Variants in EIF4E3 observed in about 807,000 individuals in gnomAD.
EIF4E3 encodes the protein eukaryotic translation initiation factor 4E type 3.
EIF4E3 carries 26 observed loss-of-function variants against 31.7 expected under a neutral mutation model. The ratio of observed to expected loss-of-function variants is 0.82; its 90% CI spans 0.60 to 1.14. The LOEUF (loss-of-function observed/expected upper bound fraction) is 1.14. Among genes scored for constraint, EIF4E3 ranks in the 50% most tolerant of loss-of-function variants. The pLI, the probability that EIF4E3 is intolerant of heterozygous loss-of-function variation, is 0.00. For missense variants in EIF4E3, 304 were observed against 270.9 expected, an observed-to-expected ratio of 1.12 and a Z score of -0.86; for synonymous variants, 128 against 107.7, an observed-to-expected ratio of 1.19 and a Z score of -1.17.
At chr3:71,747,779 T>G (rs962389844) in intron 1 of EIF4E3, among the ~76,000 whole-genome samples, 5 of 152,186 alleles carry the variant, frequency 3.3e-5, no homozygotes, top group African/African-American at 1.2e-4. Flanking sequence ...TATCATCAAT[T>G]TTGAATTTTT....
chr3:71,743,114 C>A (rs969845404), intron 1 of EIF4E3, among the ~76,000 whole-genome samples: 1 of 152,050 alleles, frequency 6.6e-6, no homozygotes, highest in Admixed American at 6.5e-5. Context: ...CCAGTCATTT[C>A]TATTTAACAT....
At position 71,684,091 on chromosome 3, in the gene EIF4E3, T is replaced by G. The variant is rs1389671909; in HGVS notation, c.*591A>C. 6.6e-6 allele frequency: 1 copy of G among 152,610 alleles called. No homozygotes were observed. The highest frequency in any genetic ancestry group is 2.4e-5 in the African/African-American group (1 of 41,458). 9.5% of individuals were successfully genotyped at this position (152,610 alleles called of 1,614,324 possible). ...ATGTTTTAAAAAGGAAAATTAAAGA[T>G]TTGTGTGCTGTCAGTGCAAAATCAC... On this transcript the variant is annotated 3_prime_UTR_variant, in exon 7 of 7. Coordinates refer to ENST00000425534, the MANE Select transcript of EIF4E3 (RefSeq NM_001134651.2).
At chr3:71,673,065 C>T (rs2048855158), downstream of EIF4E3, among the ~76,000 whole-genome samples, 2 of 152,168 alleles carry the variant, frequency 1.3e-5, no homozygotes, top group Non-Finnish European at 2.9e-5. Flanking sequence ...CCAGCTGGGT[C>T]ATGGGACAGA....
intron 1 of EIF4E3, among the ~76,000 whole-genome samples, chr3:71,731,175 G>C (rs1380857713): frequency 6.6e-6 from 1 of 152,072 alleles, no homozygotes; most frequent in East Asian, 1.9e-4. Context: ...ACAGCAGCCT[G>C]AACAACAGTC....
At chr3:71,673,407 T>C (rs2048856335), downstream of EIF4E3, among the ~76,000 whole-genome samples, 2 of 152,138 alleles carry the variant, frequency 1.3e-5, no homozygotes, top group Admixed American at 1.3e-4. Flanking sequence ...TTCAAAGATG[T>C]TTAAAAAGCA....
upstream of EIF4E3, chr3:71,754,625 G>T: frequency 6.8e-7 from 1 of 1,466,638 alleles, no homozygotes; most frequent in Admixed American, 2.3e-5. The surrounding 1 kb of genome is among the most constrained non-coding windows in gnomAD (Gnocchi z 5.8). Flanking sequence ...TGCTGGCCGT[G>T]GTGGTGGGCG....
chr3:71,735,100 A>T (rs188410768), intron 1 of EIF4E3, among the ~76,000 whole-genome samples: 18 of 152,340 alleles, frequency 1.2e-4, no homozygotes, highest in African/African-American at 3.6e-4. Flanking sequence ...TCATGGAAAC[A>T]GGATGTATTC....
intron 6 of EIF4E3, among the ~76,000 whole-genome samples, chr3:71,688,114 G>A (rs2049017565): frequency 6.6e-6 from 1 of 151,940 alleles, no homozygotes; most frequent in African/African-American, 2.4e-5. Context: ...CCCTTCCTCA[G>A]TTCTGTATTA....
chr3:71,668,549 GA>G, the EIF4E3 span, among the ~76,000 whole-genome samples: 12 of 144,538 alleles, frequency 8.3e-5, no homozygotes, highest in African/African-American at 2.8e-4. Flanking sequence ...AAATTTACAA[GA>G]AAAAAAAAAC....
At chr3:71,689,604 C>G (rs1228618899) in intron 6 of EIF4E3, among the ~76,000 whole-genome samples, 2 of 152,112 alleles carry the variant, frequency 1.3e-5, no homozygotes, top group African/African-American at 4.8e-5. Flanking sequence ...TCTGCAAATA[C>G]AGATGTTATA....
At chr3:71,743,029 G>C (rs1357063392) in intron 1 of EIF4E3, among the ~76,000 whole-genome samples, 7 of 152,122 alleles carry the variant, frequency 4.6e-5, no homozygotes, top group Non-Finnish European at 1.0e-4. Context: ...AAAATCCATA[G>C]CTAACATCAC....
At chr3:71,699,538 A>T in intron 3 of EIF4E3, 76 bp downstream of exon 3, 1 of 1,275,534 alleles carries the variant, frequency 7.8e-7, no homozygotes, top group Middle Eastern at 1.8e-4. Context: ...CACACATCTC[A>T]GGTGATATGA....
At position 71,681,793 on chromosome 3, in the gene EIF4E3, T is replaced by C. The variant is rs1368844376; in HGVS notation, c.*2889A>G. ...CTAAAGTTTCTAAGCTATAAAGTCT[T>C]GTGACTGTGTGCATGGTGTAGACAT... On this transcript the variant is annotated 3_prime_UTR_variant, in exon 7 of 7. Coordinates refer to ENST00000425534, the MANE Select transcript of EIF4E3 (RefSeq NM_001134651.2). The C allele has an allele frequency of 1.3e-5, 2 of 152,214 alleles. No individual in the cohort carries two copies. The highest frequency in any genetic ancestry group is 1.9e-4 in the East Asian group (1 of 5,198). 9.4% of individuals were successfully genotyped at this position (152,214 alleles called of 1,614,324 possible).
intron 1 of EIF4E3, among the ~76,000 whole-genome samples, chr3:71,738,404 AT>A (rs1398857367): frequency 6.6e-6 from 1 of 152,234 alleles, no homozygotes; most frequent in East Asian, 1.9e-4. Flanking sequence ...ACAAAATGCT[AT>A]TTATAAAAAA....
At chr3:71,699,261 A>C (rs912730638) in intron 3 of EIF4E3, among the ~76,000 whole-genome samples, 2 of 151,788 alleles carry the variant, frequency 1.3e-5, no homozygotes, top group East Asian at 3.9e-4. Flanking sequence ...CAACAACAAC[A>C]AAAAAAACCC....
intron 6 of EIF4E3, among the ~76,000 whole-genome samples, chr3:71,687,529 G>C (rs984270731): frequency 6.6e-6 from 1 of 152,168 alleles, no homozygotes; most frequent in Non-Finnish European, 1.5e-5. Context: ...AGAGCGGAGA[G>C]GGTAACACAG....
chr3:71,687,232 C>A (rs945209409), intron 6 of EIF4E3, among the ~76,000 whole-genome samples: 2 of 152,252 alleles, frequency 1.3e-5, no homozygotes, highest in East Asian at 3.9e-4. Context: ...TAACTCCTGA[C>A]CTCAGATGAT....
In EIF4E3 at chr3:71,732,759, G is replaced by A. The variant is rs570227940; in HGVS notation, c.-290-4136C>T. 3.9e-5 allele frequency among the ~76,000 whole-genome samples: 6 copies of A among 152,376 alleles called. No homozygotes were observed. The South Asian group carries it at 1.2e-3, about 32-fold the overall frequency. ...CAGCAATTTTTAAAAGAAAGGAAAC[G>A]ATGAGCAGTAGGGAGGCAATGTGAT... On this transcript the variant is annotated intron_variant, in intron 1 of 7. Transcript: ENST00000295612.
intron 3 of EIF4E3, among the ~76,000 whole-genome samples, chr3:71,698,165 T>C (rs897121757): frequency 1.3e-5 from 2 of 152,168 alleles, no homozygotes; most frequent in Non-Finnish European, 2.9e-5. Context: ...TTTTGTTGGA[T>C]ACAGAAGCAG....
Sources: gnomAD v4.1 joint callset for allele counts (sites outside exome capture counted in the v4.1 genomes callset) on GRCh38, gnomAD v4.1.1 for gene constraint, Gnocchi (gnomAD v3.1) non-coding constraint, MANE v1.5 for transcripts, NCBI Gene and HGNC (gene_info 2026-07-23, HGNC 2026-07-21) for gene names.